SLC29A4: variants seen among roughly 807,000 people sequenced by gnomAD.
SLC29A4 encodes the protein equilibrative nucleoside transporter 4.
Under a neutral mutation model 43.9 loss-of-function variants are expected in SLC29A4, and 36 were observed. The observed-to-expected ratio is 0.82, with a 90% CI of 0.63 to 1.08. SLC29A4 has a LOEUF of 1.08. SLC29A4 is among the 50% of genes least tolerant of loss of function. The pLI is 0.00. For missense variants in SLC29A4, 869 were observed against 755.3 expected (o/e 1.15, Z -1.77); for synonymous variants, 491 against 338.0 (o/e 1.45, Z -4.97).
chr7:5,298,899 G>T, intron 7 of SLC29A4, 89 bp from the exon 8 acceptor site: 6 of 1,457,376 alleles, frequency 4.1e-6, no homozygotes, highest in Non-Finnish European at 4.6e-6. Flanking sequence ...CAGCCCCAGT[G>T]CGGCTCTTCT....
Position 5,305,569 on chromosome 7 carries a change from T to G in SLC29A4, c.*2630T>G, listed in dbSNP as rs1361332570. The stretch of plus-strand genomic sequence containing the variant: ...ATGTGCAGCTTTGCTTTTTTTTTTT[T>G]TTTTTTTGGAGGAGTTTCGCTTTTG... On this transcript the variant is annotated 3_prime_UTR_variant, in exon 11 of 11. Coordinates refer to ENST00000396872, the MANE Select transcript of SLC29A4 (RefSeq NM_153247.4). 1 of 150,960 alleles carries G rather than the reference T, an allele frequency of 6.6e-6. No homozygotes were observed. The highest frequency in any genetic ancestry group is 6.6e-5 in the Admixed American group (1 of 15,142). The allele number at this position is 150,960 out of a possible 1,614,324, so 9.4% of individuals were successfully genotyped here.
chr7:5,286,011 G>GA lies in SLC29A4; in HGVS notation c.-8-1789dup, dbSNP rs1165252509. ...GGCAACAAAGCGAGACTCTGTCTCA[G>GA]AAAAAAAAACAAAAAACAAAAAAAT... On this transcript the variant is annotated intron_variant, in intron 1 of 10. Transcript: ENST00000396872. Among the ~76,000 whole-genome samples, 191 of 149,384 alleles carry GA rather than the reference G, an allele frequency of 1.3e-3. 1 individual carries two copies. Among genetic ancestry groups the GA allele is most frequent in the African/African-American group, 4.1e-3 (165 of 40,644 alleles).
chr7:5,291,201 G>A lies in SLC29A4; in HGVS notation c.379G>A (p.Val127Met). The change falls in exon 4 of 11, where the codon GTG becomes ATG. Residue 127 changes from valine to methionine, a missense_variant. Val to Met is a conservative substitution (Grantham distance 21). Coordinates refer to ENST00000396872, the MANE Select transcript of SLC29A4 (RefSeq NM_153247.4). The part of the protein sequence containing the change: ...LAAVLLNNVL[V>M]ERLTLHTRIT... ...AGCTGTCCTCCTGAACAACGTCCTGGTGGAGAGACTGACCCTGCACACCAG... is the reference window on the plus strand; with the variant it reads ...AGCTGTCCTCCTGAACAACGTCCTGATGGAGAGACTGACCCTGCACACCAG... 6.2e-7 allele frequency: 1 copy of A among 1,613,516 alleles called. No individual in the cohort carries two copies.
chr7:5,302,285 A>G (rs1000871694), intron 10 of SLC29A4, among the ~76,000 whole-genome samples: 1 of 152,326 alleles, frequency 6.6e-6, no homozygotes, highest in Admixed American at 6.5e-5. Flanking sequence ...GGTTAGGGCC[A>G]GGCTCACTGG....
chr7:5,287,028 C>T (rs1784998123), intron 1 of SLC29A4, among the ~76,000 whole-genome samples: 1 of 152,202 alleles, frequency 6.6e-6, no homozygotes, highest in Non-Finnish European at 1.5e-5. Context: ...CCATGCAGGC[C>T]ACCTTGGTTG....
chr7:5,303,164 C>G lies in SLC29A4; in HGVS notation c.*225C>G. On this transcript the variant is annotated 3_prime_UTR_variant, in exon 11 of 11. Coordinates refer to ENST00000396872, the MANE Select transcript of SLC29A4 (RefSeq NM_153247.4). ...CTGCGACCCGGGGCTCTGGCCAGCA[C>G]TGTGTTCTGCGTTTGGTCTCATACC... is the stretch of plus-strand genomic sequence containing the variant. 1 of 606,442 alleles carries G rather than the reference C, an allele frequency of 1.6e-6. No homozygotes were observed. Among genetic ancestry groups the G allele is most frequent in the Non-Finnish European group, 2.9e-6 (1 of 346,448 alleles). 37.6% of individuals were successfully genotyped at this position (606,442 alleles called of 1,614,324 possible). A position where few individuals can be genotyped will look rare whatever the true frequency, so the allele number is the denominator to read the frequency against.
chr7:5,286,522 C>CAAAAAA (rs57020511), intron 1 of SLC29A4, among the ~76,000 whole-genome samples: 3 of 114,742 alleles, frequency 2.6e-5, no homozygotes, highest in African/African-American at 8.1e-5. Context: ...GACTCCATCT[C>CAAAAAA]AAAAAAAAAA....
rs1165693490 is a variant in SLC29A4, at chr7:5,304,349, C to T, written c.*1410C>T. 6.8e-6 allele frequency: 1 copy of T among 147,812 alleles called. No individual in the cohort carries two copies. Among genetic ancestry groups the T allele is most frequent in the Non-Finnish European group, 1.5e-5 (1 of 66,832 alleles). 9.2% of individuals were successfully genotyped at this position (147,812 alleles called of 1,614,324 possible). A position where few individuals can be genotyped will look rare whatever the true frequency, so the allele number is the denominator to read the frequency against. On this transcript the variant is annotated 3_prime_UTR_variant, in exon 11 of 11. Coordinates refer to ENST00000396872, the MANE Select transcript of SLC29A4 (RefSeq NM_153247.4). ...ATCAGGGAGGATGGCCACATGCAGC[C>T]CATTTGAAGGGGAAACAAAGTGGGC...
At chr7:5,293,472 C>G (rs1287583395) in intron 5 of SLC29A4, among the ~76,000 whole-genome samples, 1 of 152,116 alleles carries the variant, frequency 6.6e-6, no homozygotes, top group African/African-American at 2.4e-5. Context: ...GCCTAGCCAG[C>G]TTGGTAGACT....
chr7:5,302,384 T>A (rs948229355), intron 10 of SLC29A4, among the ~76,000 whole-genome samples: 3 of 152,026 alleles, frequency 2.0e-5, no homozygotes, highest in African/African-American at 2.4e-5. Flanking sequence ...TACAAAAAAA[T>A]TTTTTTAGGT....
Position 5,287,806 on chromosome 7 carries a change from C to T in SLC29A4, c.-8-3C>T, listed in dbSNP as rs753562546. The stretch of plus-strand genomic sequence containing the variant: ...CCTGCTCTCTCTGCTTTCTCCAAAG[C>T]AGAGGCTGCCATGGGCTCCGTGGGG... On this transcript the variant is annotated splice_polypyrimidine_tract_variant and splice_region_variant and intron_variant, in intron 1 of 10. Coordinates refer to ENST00000396872, the MANE Select transcript of SLC29A4 (RefSeq NM_153247.4). The T allele has an allele frequency of 1.9e-6, 3 of 1,610,016 alleles. No homozygotes were observed. Among genetic ancestry groups the T allele is most frequent in the Non-Finnish European group, 2.5e-6 (3 of 1,179,468 alleles).
At chr7:5,297,246 G>A in intron 7 of SLC29A4, 48 bp downstream of exon 7, 1 of 1,426,914 alleles carries the variant, frequency 7.0e-7, no homozygotes, top group Non-Finnish European at 9.1e-7. Flanking sequence ...CCCCTTCTCT[G>A]TCCCCACCGC....
Position 5,299,087 on chromosome 7 carries a change from C to T in SLC29A4, c.982C>T (p.Pro328Ser), listed in dbSNP as rs771423295. The change falls in exon 8 of 11, where the codon CCG (proline) becomes TCG (serine). Residue 328 changes from proline (P) to serine (S), a missense_variant. Physicochemically the swap from Pro to Ser is moderately conservative, Grantham distance 74 (BLOSUM62 -1). Transcript: ENST00000396872. ...SGGAYMRFDV[P>S]RPRVQRSWPT... is the part of the protein sequence containing the mutation. ...CGGGGCCTACATGCGCTTTGATGTGCCGCGGCCAAGGGTCCAGCGCAGCTG... is the reference window on the plus strand; with the variant it reads ...CGGGGCCTACATGCGCTTTGATGTGTCGCGGCCAAGGGTCCAGCGCAGCTG... 1.2e-6 allele frequency: 2 copies of T among 1,610,452 alleles called. No homozygotes were observed. The highest frequency in any genetic ancestry group is 2.2e-5 in the South Asian group (2 of 90,936).
At chr7:5,284,644 T>C (rs1784848993) in intron 1 of SLC29A4, among the ~76,000 whole-genome samples, 1 of 151,928 alleles carries the variant, frequency 6.6e-6, no homozygotes, top group Admixed American at 6.6e-5. Flanking sequence ...CGCAGTAGGC[T>C]TGGATGTGGG....
chr7:5,286,241 T>C (rs1411478347), intron 1 of SLC29A4, among the ~76,000 whole-genome samples: 1 of 152,020 alleles, frequency 6.6e-6, no homozygotes, highest in Non-Finnish European at 1.5e-5. Flanking sequence ...AAAAAAATCA[T>C]AGGCTGGATG....
At chr7:5,297,341 G>T in intron 7 of SLC29A4, 143 bp downstream of exon 7, 1 of 1,016,692 alleles carries the variant, frequency 9.8e-7, no homozygotes, top group Non-Finnish European at 1.4e-6. Context: ...CTTCCTGCCA[G>T]CCTCCTTTAT....
At chr7:5,285,454 C>CT (rs1784888782) in intron 1 of SLC29A4, among the ~76,000 whole-genome samples, 2 of 152,220 alleles carry the variant, frequency 1.3e-5, no homozygotes, top group African/African-American at 4.8e-5. Flanking sequence ...GGGGCTGAAT[C>CT]TCCCCAGCCC....
intron 5 of SLC29A4, among the ~76,000 whole-genome samples, chr7:5,292,718 T>TTTTTTA: frequency 7.8e-6 from 1 of 127,480 alleles, no homozygotes; most frequent in African/African-American, 2.8e-5. Context: ...TTTTTTTTTT[T>TTTTTTA]GAGACAGTCT....
Position 5,287,871 on chromosome 7 carries a change from G to C in SLC29A4, c.55G>C (p.Asp19His). ...LEEPSVAGTPDPGVVMSFTFD... is the reference protein window; with the variant it reads ...LEEPSVAGTPHPGVVMSFTFD... ...GGAGCCCAGCGTGGCAGGCACACCA[G>C]ACCCGGGCGTAGTGATGAGCTTCAC... Residue 19 changes from aspartate to histidine, a missense_variant, in exon 2 of 11, where the codon GAC becomes CAC. Coordinates refer to ENST00000396872, the MANE Select transcript of SLC29A4 (RefSeq NM_153247.4). 6 of 1,612,014 alleles carry C rather than the reference G, an allele frequency of 3.7e-6. No individual in the cohort carries two copies. The highest frequency in any genetic ancestry group is 5.1e-6 in the Non-Finnish European group (6 of 1,179,852).
Sources: allele counts gnomAD v4.1 joint callset (sites outside exome capture counted in the v4.1 genomes callset), GRCh38; gene constraint gnomAD v4.1.1; transcripts MANE v1.5; gene names NCBI Gene and HGNC (gene_info 2026-07-23, HGNC 2026-07-21).